Variants in PTPRK observed in about 807,000 individuals in gnomAD.
The protein encoded by PTPRK is receptor-type tyrosine-protein phosphatase kappa.
A neutral mutation model predicts 178.0 loss-of-function variants in PTPRK; 75 were observed. The observed-to-expected ratio is 0.42, with a 90% confidence interval of 0.35 to 0.51. The LOEUF is 0.51. PTPRK is among the 20% of genes least tolerant of loss of function. PTPRK has a pLI of 0.02. For missense variants in PTPRK, 1,441 were observed against 1,797.8 expected, an observed-to-expected ratio of 0.80 and a Z score of 3.59; for synonymous variants, 637 against 620.6, an observed-to-expected ratio of 1.03 and a Z score of -0.39.
intron 3 of PTPRK, chr6:128,321,026 C>T (rs956111412): frequency 3.9e-5 from 6 of 152,002 alleles, no homozygotes; most frequent in African/African-American, 1.4e-4. Flanking sequence ...AAACAGAAAA[C>T]TCAACTCAAG....
chr6:128,233,556 C>A (rs535106082), intron 5 of PTPRK, among the ~76,000 whole-genome samples: 66 of 152,290 alleles, frequency 4.3e-4, no homozygotes, highest in African/African-American at 1.5e-3. Context: ...TACTCTCAAG[C>A]CATTGCTTAA....
chr6:127,976,889 T>C, intron 26 of PTPRK, 34 bp downstream of exon 26: 3 of 1,613,156 alleles, frequency 1.9e-6, no homozygotes, highest in Middle Eastern at 1.7e-4. Flanking sequence ...TTAAGTTGTA[T>C]ATAAGTACAT....
chr6:128,503,420 T>C (rs557449438), intron 1 of PTPRK, among the ~76,000 whole-genome samples: 37 of 152,350 alleles, frequency 2.4e-4, no homozygotes, highest in Non-Finnish European at 5.1e-4. Flanking sequence ...CACGTCCTGA[T>C]GGCACTTTTT....
At chr6:128,206,997 C>A (rs1325252520) in intron 6 of PTPRK, among the ~76,000 whole-genome samples, 3 of 152,140 alleles carry the variant, frequency 2.0e-5, no homozygotes, top group African/African-American at 7.2e-5. Flanking sequence ...ATGCTACTTG[C>A]TTCCTTCACA....
At chr6:128,501,013 G>A (rs1257126759) in intron 1 of PTPRK, 2 of 152,226 alleles carry the variant, frequency 1.3e-5, no homozygotes, top group African/African-American at 4.8e-5. Context: ...GGTAGGCTGG[G>A]ACTACAGGTG....
At position 128,071,691 on chromosome 6, in the gene PTPRK, G is replaced by A. The variant is rs570316792; in HGVS notation, c.1884-3899C>T. 4.4e-4 allele frequency among the ~76,000 whole-genome samples: 67 copies of A among 152,066 alleles called. 1 individual carries two copies. The highest frequency in any genetic ancestry group is 1.6e-3 in the African/African-American group (65 of 41,522). ...TCTACCTTTTTTCATGCCCATTGAA[G>A]AGGCATTTTTATAACTCACACAGAA... On this transcript the variant is annotated intron_variant, in intron 11 of 29. Coordinates refer to ENST00000368226, the MANE Select transcript of PTPRK (RefSeq NM_002844.4).
chr6:128,053,230 C>A (rs957446820), intron 13 of PTPRK, among the ~76,000 whole-genome samples: 1 of 151,904 alleles, frequency 6.6e-6, no homozygotes, highest in African/African-American at 2.4e-5. Flanking sequence ...TCTCCCTGCA[C>A]CCCCACACCC....
At chr6:128,394,651 T>C (rs942407861) in intron 2 of PTPRK, among the ~76,000 whole-genome samples, 6 of 152,168 alleles carry the variant, frequency 3.9e-5, no homozygotes, top group African/African-American at 1.4e-4. Flanking sequence ...TTTTATTCTA[T>C]TTGGCAGACC....
chr6:128,106,363 A>T (rs1235221248), intron 7 of PTPRK, among the ~76,000 whole-genome samples: 2 of 152,146 alleles, frequency 1.3e-5, no homozygotes, highest in East Asian at 3.8e-4. Flanking sequence ...CTGTTTATCC[A>T]TCTTCTACTC....
chr6:128,019,977 A>G (rs753740975), intron 13 of PTPRK, among the ~76,000 whole-genome samples: 4 of 152,130 alleles, frequency 2.6e-5, no homozygotes, highest in Non-Finnish European at 5.9e-5. Context: ...GTAGGTGCAA[A>G]AGGGAGTTCA....
intron 1 of PTPRK, among the ~76,000 whole-genome samples, chr6:128,499,024 T>A (rs1287469017): frequency 6.6e-6 from 1 of 152,194 alleles, no homozygotes; most frequent in Non-Finnish European, 1.5e-5. Flanking sequence ...ATTTACATAG[T>A]GTTATTTTGT....
chr6:128,434,832 C>T (rs1454188407), intron 1 of PTPRK, among the ~76,000 whole-genome samples: 2 of 150,442 alleles, frequency 1.3e-5, no homozygotes, highest in Non-Finnish European at 3.0e-5. Flanking sequence ...CCAGCCTTGG[C>T]AAAATAGCAA....
At chr6:128,036,097 A>T (rs1249554064) in intron 13 of PTPRK, among the ~76,000 whole-genome samples, 2 of 152,206 alleles carry the variant, frequency 1.3e-5, no homozygotes, top group Admixed American at 6.5e-5. Context: ...TCTTACAAAC[A>T]GTTGTTATAT....
chr6:127,968,898 C>A lies in PTPRK; in HGVS notation c.*1329G>T. 6.6e-6 allele frequency: 1 copy of A among 152,206 alleles called. No homozygotes were observed. Among genetic ancestry groups the A allele is most frequent in the East Asian group, 1.9e-4 (1 of 5,206 alleles). 9.4% of individuals were successfully genotyped at this position (152,206 alleles called of 1,614,324 possible). ...CTGGAATGCTTTAGTCAATTACAAA[C>A]TGCAAGCTGATGATGTGAAGTTACA... On this transcript the variant is annotated 3_prime_UTR_variant, in exon 30 of 30. Transcript: ENST00000368226.
At chr6:128,157,788 A>AT (rs1798144223) in intron 7 of PTPRK, among the ~76,000 whole-genome samples, 1 of 151,412 alleles carries the variant, frequency 6.6e-6, no homozygotes, top group African/African-American at 2.4e-5. Flanking sequence ...GATGGGGTTG[A>AT]TTTTTTCTTG....
chr6:128,174,364 C>T (rs961732052), intron 7 of PTPRK, among the ~76,000 whole-genome samples: 1 of 151,866 alleles, frequency 6.6e-6, no homozygotes, highest in African/African-American at 2.4e-5. Context: ...TTTCAGTGCT[C>T]TAACGTTGCC....
chr6:128,034,768 A>G (rs2114811299), intron 13 of PTPRK, among the ~76,000 whole-genome samples: 1 of 152,320 alleles, frequency 6.6e-6, no homozygotes, highest in South Asian at 2.1e-4. Context: ...GGTGTTCAAG[A>G]TTTGATGACT....
chr6:128,012,299 C>T (rs1341224914), intron 13 of PTPRK, among the ~76,000 whole-genome samples: 1 of 151,148 alleles, frequency 6.6e-6, no homozygotes, highest in Non-Finnish European at 1.5e-5. Context: ...AACCGAGGAA[C>T]ATAAATATCC....
intron 3 of PTPRK, among the ~76,000 whole-genome samples, chr6:128,271,980 C>T (rs919561580): frequency 1.3e-5 from 2 of 151,938 alleles, no homozygotes; most frequent in Non-Finnish European, 2.9e-5. Context: ...TTAGTGTTAA[C>T]TATAATGAAG....
Sources: gnomAD v4.1 joint callset for allele counts (sites outside exome capture counted in the v4.1 genomes callset) on GRCh38, gnomAD v4.1.1 for gene constraint, MANE v1.5 for transcripts, NCBI Gene and HGNC (gene_info 2026-07-23, HGNC 2026-07-21) for gene names.